DNAJC3: variants seen among roughly 807,000 people sequenced by gnomAD.
DNAJC3 encodes DnaJ heat shock protein family (Hsp40) member C3, also known as dnaJ homolog subfamily C member 3.
Under a neutral mutation model 68.6 loss-of-function variants are expected in DNAJC3, and 38 were observed. The ratio of observed to expected loss-of-function variants is 0.55; its 90% CI spans 0.43 to 0.73. The LOEUF (loss-of-function observed/expected upper bound fraction) is 0.73, where lower values mean the gene tolerates loss of function less well. Ranked by LOEUF, DNAJC3 falls within the 30% of genes least tolerant of loss-of-function variation. The probability of loss-of-function intolerance (pLI) is 0.00; values close to 1 mark genes in which losing one functional copy is unlikely to be tolerated. For missense variants in DNAJC3, 526 were observed against 591.9 expected (o/e 0.89, Z 1.16); for synonymous variants, 203 against 204.0 (o/e 1.00, Z 0.04).
intron 4 of DNAJC3, among the ~76,000 whole-genome samples, chr13:95,726,437 A>AT (rs1359988382): frequency 1.3e-5 from 2 of 152,004 alleles, no homozygotes; most frequent in Non-Finnish European, 2.9e-5. Context: ...GATGATGAGC[A>AT]TTTTTTCATG....
chr13:95,741,702 G>A (rs1882150429), intron 4 of DNAJC3, among the ~76,000 whole-genome samples: 1 of 152,188 alleles, frequency 6.6e-6, no homozygotes, highest in African/African-American at 2.4e-5. Flanking sequence ...CTTGGCGATG[G>A]CTACACTGTG....
At chr13:95,760,330 G>T in intron 6 of DNAJC3, 109 bp downstream of exon 6, 1 of 1,020,434 alleles carries the variant, frequency 9.8e-7, no homozygotes, top group Non-Finnish European at 1.3e-6. Flanking sequence ...TGGTAGTTAA[G>T]GCTGTTTTTA....
intron 2 of DNAJC3, among the ~76,000 whole-genome samples, chr13:95,716,242 AG>A (rs1426689630): frequency 1.3e-5 from 2 of 152,204 alleles, no homozygotes; most frequent in African/African-American, 4.8e-5. Flanking sequence ...TCTCCCTTGC[AG>A]GGCGTGCAAC....
chr13:95,733,200 A>G (rs1045908194), intron 4 of DNAJC3, among the ~76,000 whole-genome samples: 1 of 152,122 alleles, frequency 6.6e-6, no homozygotes, highest in Non-Finnish European at 1.5e-5. Context: ...TTTTCTGTCT[A>G]TATGATCTAT....
intron 1 of DNAJC3, among the ~76,000 whole-genome samples, chr13:95,697,719 T>C (rs1047680390): frequency 2.0e-5 from 3 of 152,090 alleles, no homozygotes; most frequent in African/African-American, 2.4e-5. Flanking sequence ...AAAAATTCTT[T>C]TAAGATTTTA....
At chr13:95,762,119 G>A (rs1419495113) in intron 7 of DNAJC3, among the ~76,000 whole-genome samples, 1 of 152,112 alleles carries the variant, frequency 6.6e-6, no homozygotes, top group Non-Finnish European at 1.5e-5. Context: ...AAAATTAGCC[G>A]GGCGTGGTGG....
rs1259117338 is a variant in DNAJC3, at chr13:95,677,312, A to T, written c.57A>T (p.Leu19=). The change falls in exon 1 of 12, where the codon CTA becomes CTT. Residue 19 remains leucine (L), a synonymous_variant. Transcript: ENST00000602402. ...SRLGSVFPFL[L]VLVDLQYEGA... ...TGGGCTCGGTATTCCCCTTCCTGCT[A>T]GTCCTGGTGGATCTGCAGTACGAAG... 1 of 1,599,238 alleles carries T rather than the reference A, an allele frequency of 6.3e-7. No individual in the cohort carries two copies. The highest frequency in any genetic ancestry group is 1.4e-5 in the African/African-American group (1 of 72,478).
intron 9 of DNAJC3, among the ~76,000 whole-genome samples, chr13:95,782,053 T>C (rs1376142846): frequency 6.6e-6 from 1 of 152,018 alleles, no homozygotes; most frequent in African/African-American, 2.4e-5. Flanking sequence ...GAACATGCAG[T>C]GTTTGGTTTT....
At chr13:95,717,167 T>C (rs1566481215) in intron 2 of DNAJC3, among the ~76,000 whole-genome samples, 1 of 152,220 alleles carries the variant, frequency 6.6e-6, no homozygotes, top group African/African-American at 2.4e-5. Flanking sequence ...CGAACAAATG[T>C]CTTAAGTGGT....
intron 1 of DNAJC3, among the ~76,000 whole-genome samples, chr13:95,707,051 G>A (rs1880776183): frequency 6.6e-6 from 1 of 152,160 alleles, no homozygotes; most frequent in Non-Finnish European, 1.5e-5. Context: ...GGGTTGGGTA[G>A]GGGGAGGATA....
chr13:95,701,838 C>T (rs1880593748), intron 1 of DNAJC3, among the ~76,000 whole-genome samples: 1 of 152,108 alleles, frequency 6.6e-6, no homozygotes, highest in Non-Finnish European at 1.5e-5. Context: ...CTCACAGTAC[C>T]CTGTGTACAT....
At chr13:95,789,149 T>G (rs1883687078) in intron 11 of DNAJC3, among the ~76,000 whole-genome samples, 1 of 152,192 alleles carries the variant, frequency 6.6e-6, no homozygotes, top group Non-Finnish European at 1.5e-5. Context: ...AGCTATATGC[T>G]AAGTCTTTTT....
chr13:95,701,279 T>G (rs372872836), intron 1 of DNAJC3, among the ~76,000 whole-genome samples: 81 of 152,348 alleles, frequency 5.3e-4, no homozygotes, highest in Non-Finnish European at 1.0e-3. Context: ...TATGTCTCTT[T>G]GTCATATTGG....
chr13:95,752,635 C>T (rs1414895838), intron 4 of DNAJC3, among the ~76,000 whole-genome samples: 1 of 152,166 alleles, frequency 6.6e-6, no homozygotes, highest in Non-Finnish European at 1.5e-5. Flanking sequence ...ACTCTGAATC[C>T]TTATTAATTA....
intron 4 of DNAJC3, among the ~76,000 whole-genome samples, chr13:95,726,193 A>C (rs1881514073): frequency 6.6e-6 from 1 of 152,132 alleles, no homozygotes; most frequent in Non-Finnish European, 1.5e-5. Flanking sequence ...TATACCCAGT[A>C]ATGGGATGGT....
At chr13:95,770,975 A>G (rs1338624295) in intron 9 of DNAJC3, among the ~76,000 whole-genome samples, 1 of 152,224 alleles carries the variant, frequency 6.6e-6, no homozygotes, top group Non-Finnish European at 1.5e-5. Flanking sequence ...TTTCAAATAA[A>G]GAGAAAAGTT....
chr13:95,696,902 C>T (rs929360296), intron 1 of DNAJC3, among the ~76,000 whole-genome samples: 4 of 152,092 alleles, frequency 2.6e-5, no homozygotes, highest in Admixed American at 6.5e-5. Flanking sequence ...CCCACCACCG[C>T]GCCTGGCTAA....
At chr13:95,765,899 A>C (rs1002636030) in intron 9 of DNAJC3, among the ~76,000 whole-genome samples, 2 of 152,052 alleles carry the variant, frequency 1.3e-5, no homozygotes, top group African/African-American at 4.8e-5. Flanking sequence ...CCTGGAAAAA[A>C]TTCTTTTCTA....
chr13:95,703,432 G>A (rs1880633823), intron 1 of DNAJC3, among the ~76,000 whole-genome samples: 1 of 152,174 alleles, frequency 6.6e-6, no homozygotes, highest in Admixed American at 6.5e-5. Context: ...CAAATGCACA[G>A]TGGAAAGGAC....
Sources: allele counts gnomAD v4.1 joint callset (sites outside exome capture counted in the v4.1 genomes callset), GRCh38; gene constraint gnomAD v4.1.1; transcripts MANE v1.5; gene names NCBI Gene and HGNC (gene_info 2026-07-23, HGNC 2026-07-21).